PITPNA: variants seen among roughly 807,000 people sequenced by gnomAD.
PITPNA encodes phosphatidylinositol transfer protein alpha isoform.
Under a neutral mutation model 50.3 loss-of-function variants are expected in PITPNA, and 13 were observed. That is an observed-to-expected ratio of 0.26 (90% CI 0.17 to 0.41). The LOEUF is 0.41. PITPNA is among the 10% of genes least tolerant of loss of function. The pLI, the probability that PITPNA is intolerant of heterozygous loss-of-function variation, is 1.00. For missense variants in PITPNA, 207 were observed against 333.4 expected, an observed-to-expected ratio of 0.62 and a Z score of 2.95; for synonymous variants, 120 against 119.6, an observed-to-expected ratio of 1.00 and a Z score of -0.02.
intron 3 of PITPNA, 69 bp from the exon 4 acceptor site, chr17:1,548,456 TC>T: frequency 9.3e-7 from 1 of 1,074,662 alleles, no homozygotes; most frequent in Non-Finnish European, 1.4e-6. Context: ...GCTTTTCAGA[TC>T]CAGCTTCTTC....
At chr17:1,538,675 T>C (rs2075631661) in intron 7 of PITPNA, 194 bp downstream of exon 7, 1 of 518,548 alleles carries the variant, frequency 1.9e-6, no homozygotes, top group African/African-American at 1.9e-5. Context: ...CACACAAATT[T>C]GGGCCACTAA....
chr17:1,559,685 G>T, intron 1 of PITPNA: 1 of 756,654 alleles, frequency 1.3e-6, no homozygotes, highest in Non-Finnish European at 1.6e-6. Context: ...CTAGTAAACA[G>T]CTATTTTCTA....
chr17:1,555,497 T>C (rs2075730730), intron 2 of PITPNA, among the ~76,000 whole-genome samples: 1 of 151,984 alleles, frequency 6.6e-6, no homozygotes, highest in Non-Finnish European at 1.5e-5. Context: ...TTAAATCAGA[T>C]TTAAAAAACT....
At chr17:1,560,322 CTAA>C (rs2075761705) in intron 1 of PITPNA, among the ~76,000 whole-genome samples, 1 of 152,208 alleles carries the variant, frequency 6.6e-6, no homozygotes, top group South Asian at 2.1e-4. Context: ...GGCACTCACT[CTAA>C]TGTGACCTTC....
At chr17:1,550,233 G>A (rs977805851) in intron 3 of PITPNA, among the ~76,000 whole-genome samples, 6 of 152,170 alleles carry the variant, frequency 3.9e-5, no homozygotes, top group East Asian at 1.9e-4. Context: ...CTACTGGGGC[G>A]TGTAACTAGA....
intron 10 of PITPNA, among the ~76,000 whole-genome samples, chr17:1,526,972 G>A (rs2075551763): frequency 6.6e-6 from 1 of 152,076 alleles, no homozygotes; most frequent in Admixed American, 6.6e-5. Context: ...TGGCCAGGCT[G>A]GTCTCGAACT....
chr17:1,548,324 G>A lies in PITPNA; in HGVS notation c.261C>T (p.Ala87=), dbSNP rs748775599. 3 of 1,608,978 alleles carry A rather than the reference G, an allele frequency of 1.9e-6. No homozygotes were observed. Among genetic ancestry groups the A allele is most frequent in the Non-Finnish European group, 1.7e-6 (2 of 1,177,872 alleles). The change falls in exon 4 of 12, where the codon GCC becomes GCT. Residue 87 remains alanine, a synonymous_variant. Transcript: ENST00000313486. ...PEGALNIHEK[A]WNAYPYCRTV... Reference sequence around the variant, plus strand: ...TTCTGCAGTAGGGGTAAGCATTCCAGGCTTTCTCGTGTATATTCAGGGCTC... The same window carrying A: ...TTCTGCAGTAGGGGTAAGCATTCCAAGCTTTCTCGTGTATATTCAGGGCTC...
intron 5 of PITPNA, among the ~76,000 whole-genome samples, 166 bp downstream of exon 5, chr17:1,542,854 C>G (rs1391931006): frequency 6.6e-6 from 1 of 152,226 alleles, no homozygotes; most frequent in Admixed American, 6.5e-5. Context: ...AGGAGGTCAT[C>G]ATGCCAGTTA....
In PITPNA at chr17:1,549,637, T is replaced by G. The variant is rs571112630; in HGVS notation, c.198-1250A>C. Among the ~76,000 whole-genome samples, 5 of 144,346 alleles carry G rather than the reference T, an allele frequency of 3.5e-5. No individual in the cohort carries two copies. The South Asian group carries it at 1.1e-3, about 31-fold the overall frequency. 94.7% of individuals were successfully genotyped at this position (144,346 alleles called of 152,430 possible). On this transcript the variant is annotated intron_variant, in intron 3 of 11. Coordinates refer to ENST00000313486, the MANE Select transcript of PITPNA (RefSeq NM_006224.4). ...CTGGCCTAGAAAGATTTTTTAAAAT[T>G]AAAATGAAAATGGTACATATATTCC...
In PITPNA at chr17:1,535,448, T is replaced by A; in HGVS notation, c.527A>T (p.Asn176Ile). 1 of 1,612,138 alleles carries A rather than the reference T, an allele frequency of 6.2e-7. No individual in the cohort carries two copies. Among genetic ancestry groups the A allele is most frequent in the Non-Finnish European group, 8.5e-7 (1 of 1,178,244 alleles). Residue 176 changes from asparagine (N) to isoleucine (I), a missense_variant, in exon 8 of 12, where the codon AAT becomes ATT. Coordinates refer to ENST00000313486, the MANE Select transcript of PITPNA (RefSeq NM_006224.4). ...IKTGRGPLGP[N>I]WKQELVNQKD... ...TGAAGGTGTGAATGGTACCTTCCAATTGGGGCCCAAGGGTCCTCGGCCTGT... is the reference window on the plus strand; with the variant it reads ...TGAAGGTGTGAATGGTACCTTCCAAATGGGGCCCAAGGGTCCTCGGCCTGT...
At chr17:1,533,951 A>G (rs1322863844) in intron 10 of PITPNA, 148 bp downstream of exon 10, 1 of 858,706 alleles carries the variant, frequency 1.2e-6, no homozygotes, top group African/African-American at 1.7e-5. Context: ...TATAGTGCCC[A>G]CGTACTGCCC....
At chr17:1,537,776 C>T (rs1009255017) in intron 7 of PITPNA, among the ~76,000 whole-genome samples, 18 of 151,916 alleles carry the variant, frequency 1.2e-4, no homozygotes, top group Admixed American at 9.2e-4. Flanking sequence ...TATATCTTTT[C>T]GGAAATGCAC....
At chr17:1,547,830 C>G (rs1402642818) in intron 4 of PITPNA, among the ~76,000 whole-genome samples, 1 of 151,934 alleles carries the variant, frequency 6.6e-6, no homozygotes. Flanking sequence ...TCTGTCTCTA[C>G]TACAATACAA....
chr17:1,553,220 G>T, intron 2 of PITPNA, 71 bp from the exon 3 acceptor site: 1 of 1,540,882 alleles, frequency 6.5e-7, no homozygotes, highest in East Asian at 2.3e-5. Flanking sequence ...CCAGCTGCCA[G>T]TAAGTGTCTA....
At chr17:1,542,332 C>A (rs953089498) in intron 5 of PITPNA, among the ~76,000 whole-genome samples, 14 of 152,312 alleles carry the variant, frequency 9.2e-5, no homozygotes, top group African/African-American at 3.4e-4. Context: ...GACTTCCTAA[C>A]CCATCGAAGA....
Position 1,562,576 on chromosome 17 carries a change from G to A in PITPNA, c.-16C>T, listed in dbSNP as rs1433318375. 1.1e-5 allele frequency: 14 copies of A among 1,307,482 alleles called. No individual in the cohort carries two copies. The highest frequency in any genetic ancestry group is 6.1e-5 in the African/African-American group (4 of 65,372). 81.0% of individuals were successfully genotyped at this position (1,307,482 alleles called of 1,614,324 possible). On this transcript the variant is annotated 5_prime_UTR_variant, in exon 1 of 12. Coordinates refer to ENST00000313486, the MANE Select transcript of PITPNA (RefSeq NM_006224.4). This position sits in a 1 kb window ranked among gnomAD's most constrained non-coding sequence, Gnocchi z 6.4. ...GCAGCACCATGTCGCTTCGCGGCTC[G>A]GTGGCTGCCCGCGGCCCGCCCGGCC...
At chr17:1,526,500 A>G (rs1456113993) in intron 10 of PITPNA, among the ~76,000 whole-genome samples, 1 of 152,214 alleles carries the variant, frequency 6.6e-6, no homozygotes, top group African/African-American at 2.4e-5. Context: ...AGAATTTTTA[A>G]AAAGACAATT....
intron 10 of PITPNA, among the ~76,000 whole-genome samples, chr17:1,526,191 G>C (rs947626465): frequency 1.3e-5 from 2 of 152,346 alleles, no homozygotes; most frequent in South Asian, 2.1e-4. Context: ...TGACATTCAG[G>C]CTTCAAGTAC....
Position 1,562,564 on chromosome 17 carries a change from G to T in PITPNA, c.-4C>A, listed in dbSNP as rs1162893947. On this transcript the variant is annotated 5_prime_UTR_variant, in exon 1 of 12. Coordinates refer to ENST00000313486, the MANE Select transcript of PITPNA (RefSeq NM_006224.4). The surrounding 1 kb of genome is among the most constrained non-coding windows in gnomAD (Gnocchi z 6.4). ...ACTACTCCTTGAGCAGCACCATGTC[G>T]CTTCGCGGCTCGGTGGCTGCCCGCG... 1 of 1,342,310 alleles carries T rather than the reference G, an allele frequency of 7.4e-7. No individual in the cohort carries two copies. 83.1% of individuals were successfully genotyped at this position (1,342,310 alleles called of 1,614,324 possible).
Sources: allele counts gnomAD v4.1 joint callset (sites outside exome capture counted in the v4.1 genomes callset), GRCh38; gene constraint gnomAD v4.1.1; non-coding constraint Gnocchi (gnomAD v3.1); transcripts MANE v1.5; gene names NCBI Gene and HGNC (gene_info 2026-07-23, HGNC 2026-07-21).